The following RAPGEF4 variants were observed in gnomAD, a reference collection of about 807,000 sequenced individuals.
The protein encoded by RAPGEF4 is RAP guanine-nucleotide-exchange factor (GEF) 4.
Under a neutral mutation model 147.9 loss-of-function variants are expected in RAPGEF4, and 66 were observed. That is an observed-to-expected ratio of 0.45 (90% CI 0.37 to 0.55). The LOEUF is 0.55. RAPGEF4 is among the 20% of genes least tolerant of loss of function. RAPGEF4 has a pLI of 0.00. For missense variants in RAPGEF4, 1,071 were observed against 1,257.3 expected, an observed-to-expected ratio of 0.85 and a Z score of 2.24; for synonymous variants, 419 against 442.7, an observed-to-expected ratio of 0.95 and a Z score of 0.67.
chr2:173,015,080 C>G (rs1055541075), intron 18 of RAPGEF4, among the ~76,000 whole-genome samples: 1 of 152,096 alleles, frequency 6.6e-6, no homozygotes, highest in Admixed American at 6.5e-5. Context: ...TTTCACCTTC[C>G]TAGAATAGTA....
chr2:172,913,068 G>A (rs534450857), intron 4 of RAPGEF4, among the ~76,000 whole-genome samples: 3 of 151,938 alleles, frequency 2.0e-5, no homozygotes, highest in Admixed American at 6.6e-5. Flanking sequence ...GCTCATTTTT[G>A]TATTGTTAAT....
chr2:172,852,354 T>A (rs938774342), intron 4 of RAPGEF4, among the ~76,000 whole-genome samples: 4 of 152,180 alleles, frequency 2.6e-5, no homozygotes, highest in African/African-American at 9.7e-5. Flanking sequence ...TTTGATGAAT[T>A]GTCAATAAGT....
chr2:172,995,136 T>G (rs766294109), intron 15 of RAPGEF4, among the ~76,000 whole-genome samples: 1 of 152,086 alleles, frequency 6.6e-6, no homozygotes, highest in Admixed American at 6.5e-5. Context: ...ACTCTTGGGA[T>G]CTCAACACAC....
chr2:172,997,749 A>C (rs576216751), intron 16 of RAPGEF4, among the ~76,000 whole-genome samples: 2 of 152,344 alleles, frequency 1.3e-5, no homozygotes, highest in African/African-American at 4.8e-5. Flanking sequence ...CACTAAAAGA[A>C]GTTCAGAGAT....
chr2:172,844,097 A>G (rs1559071541), intron 4 of RAPGEF4, among the ~76,000 whole-genome samples: 2 of 152,234 alleles, frequency 1.3e-5, no homozygotes, highest in African/African-American at 2.4e-5. Context: ...TTGACATATA[A>G]GTACTCCACA....
chr2:172,807,152 T>C (rs1406770608), intron 3 of RAPGEF4, among the ~76,000 whole-genome samples: 1 of 152,358 alleles, frequency 6.6e-6, no homozygotes, highest in East Asian at 1.9e-4. Flanking sequence ...GGCTATTTGT[T>C]AGGAGCTGAT....
intron 4 of RAPGEF4, among the ~76,000 whole-genome samples, chr2:172,891,038 T>C (rs541010877): frequency 6.6e-6 from 1 of 152,028 alleles, no homozygotes; most frequent in South Asian, 2.1e-4. Context: ...GGCTGAGGCA[T>C]GAGAATCGCT....
At position 172,754,509 on chromosome 2, in the gene RAPGEF4, A is replaced by C. The variant is rs1400702124; in HGVS notation, c.65+18461A>C. ...TTAACATATTTTTAAATTACTTTTC[A>C]TAAAGACAGTAAGAAGCTATTATTG... On this transcript the variant is annotated intron_variant, in intron 1 of 30. Coordinates refer to ENST00000397081, the MANE Select transcript of RAPGEF4 (RefSeq NM_007023.4). Among the ~76,000 whole-genome samples the C allele has an allele frequency of 2.6e-5, 4 of 152,200 alleles. No individual in the cohort carries two copies. In the South Asian group the frequency reaches 8.3e-4, roughly 31 times the overall value.
intron 4 of RAPGEF4, among the ~76,000 whole-genome samples, chr2:172,873,940 T>C (rs149471446): frequency 3.9e-5 from 6 of 152,052 alleles, no homozygotes; most frequent in African/African-American, 9.6e-5. Flanking sequence ...AACAAACATA[T>C]GAAAAAAAGC....
In RAPGEF4 at chr2:173,051,824, C is replaced by T; in HGVS notation, c.*57C>T. ...TCCAGTCCACAATCTTTCAAAAATGCCATTTATGCTACTACTGACTGTATT... is the reference window on the plus strand; with the variant it reads ...TCCAGTCCACAATCTTTCAAAAATGTCATTTATGCTACTACTGACTGTATT... On this transcript the variant is annotated 3_prime_UTR_variant, in exon 31 of 31. Transcript: ENST00000397081. The T allele has an allele frequency of 6.3e-7, 1 of 1,585,684 alleles. No homozygotes were observed. The highest frequency in any genetic ancestry group is 1.7e-5 in the Admixed American group (1 of 59,286).
chr2:172,856,746 G>C (rs945263639), intron 4 of RAPGEF4, among the ~76,000 whole-genome samples: 1 of 152,020 alleles, frequency 6.6e-6, no homozygotes, highest in Non-Finnish European at 1.5e-5. Context: ...TAGTCAATCT[G>C]GGGCTTTCCC....
chr2:173,002,962 A>T (rs1017918638), intron 17 of RAPGEF4, among the ~76,000 whole-genome samples: 1 of 152,234 alleles, frequency 6.6e-6, no homozygotes, highest in Non-Finnish European at 1.5e-5. Context: ...ACTAATCATT[A>T]TAGACCTTTG....
At chr2:172,799,358 G>A (rs1391342693) in intron 3 of RAPGEF4, among the ~76,000 whole-genome samples, 1 of 152,160 alleles carries the variant, frequency 6.6e-6, no homozygotes, top group Non-Finnish European at 1.5e-5. Flanking sequence ...AACCCAAGCA[G>A]TCAGGCACCT....
chr2:172,772,546 G>A (rs773065816), intron 1 of RAPGEF4, among the ~76,000 whole-genome samples: 4 of 152,116 alleles, frequency 2.6e-5, no homozygotes, highest in South Asian at 2.1e-4. Flanking sequence ...GCTTCACCAC[G>A]TTGGCCAGGC....
At chr2:173,021,395 C>T (rs374423410) in intron 23 of RAPGEF4, among the ~76,000 whole-genome samples, 1 of 152,210 alleles carries the variant, frequency 6.6e-6, no homozygotes, top group Non-Finnish European at 1.5e-5. Flanking sequence ...AAACTGGTTT[C>T]TTCAGTCTTT....
At chr2:172,846,386 G>T (rs1418690688) in intron 4 of RAPGEF4, among the ~76,000 whole-genome samples, 6 of 152,044 alleles carry the variant, frequency 3.9e-5, no homozygotes, top group Non-Finnish European at 8.8e-5. Context: ...AAGGTTTTGG[G>T]GATTCATCCA....
intron 2 of RAPGEF4, among the ~76,000 whole-genome samples, chr2:172,796,456 G>C (rs1282105249): frequency 6.6e-6 from 1 of 151,952 alleles, no homozygotes; most frequent in Non-Finnish European, 1.5e-5. Flanking sequence ...GTGGTGGCAG[G>C]CACCTATAGT....
At chr2:172,954,324 C>T (rs1465109042) in intron 6 of RAPGEF4, among the ~76,000 whole-genome samples, 1 of 152,138 alleles carries the variant, frequency 6.6e-6, no homozygotes, top group African/African-American at 2.4e-5. Flanking sequence ...TTCTGGGTGG[C>T]AGTTTGCTTT....
chr2:172,897,978 G>A (rs950317507), intron 4 of RAPGEF4, among the ~76,000 whole-genome samples: 7 of 152,156 alleles, frequency 4.6e-5, no homozygotes, highest in African/African-American at 1.7e-4. Flanking sequence ...CTGGGCTGGC[G>A]GAGGAGAGAC....
Sources: gnomAD v4.1 joint callset for allele counts (sites outside exome capture counted in the v4.1 genomes callset) on GRCh38, gnomAD v4.1.1 for gene constraint, MANE v1.5 for transcripts, NCBI Gene and HGNC (gene_info 2026-07-23, HGNC 2026-07-21) for gene names.